The following MAGI2 variants were observed in gnomAD, a reference collection of about 807,000 sequenced individuals.
MAGI2 encodes the protein membrane-associated guanylate kinase, WW and PDZ domain-containing protein 2.
MAGI2 carries 35 observed loss-of-function variants against 133.3 expected under a neutral mutation model. That is an observed-to-expected ratio of 0.26 (90% CI 0.20 to 0.35). The LOEUF (loss-of-function observed/expected upper bound fraction) is 0.35, where lower values mean the gene tolerates loss of function less well. MAGI2 is among the 10% of genes least tolerant of loss of function. The pLI is 1.00. For synonymous variants in MAGI2, 729 were observed against 710.6 expected (o/e 1.03, Z -0.41); for missense variants, 1,636 against 1,863.4 (o/e 0.88, Z 2.25).
At chr7:78,045,769 C>T (rs1476751594) in intron 21 of MAGI2, among the ~76,000 whole-genome samples, 1 of 152,152 alleles carries the variant, frequency 6.6e-6, no homozygotes, top group Non-Finnish European at 1.5e-5. Context: ...AAAGAGCATG[C>T]ATGCAGGGTG....
At chr7:78,448,114 A>C (rs1788342895) in intron 6 of MAGI2, among the ~76,000 whole-genome samples, 1 of 151,954 alleles carries the variant, frequency 6.6e-6, no homozygotes, top group Admixed American at 6.6e-5. Context: ...TCTTTTTATG[A>C]CTGAATAGAT....
intron 1 of MAGI2, among the ~76,000 whole-genome samples, chr7:79,323,805 T>TA (rs759925128): frequency 6.6e-6 from 1 of 152,104 alleles, no homozygotes; most frequent in African/African-American, 2.4e-5. Flanking sequence ...CAAAGGTGTA[T>TA]ATGGGAGCCT....
chr7:78,205,276 C>A (rs1253740130), intron 10 of MAGI2, among the ~76,000 whole-genome samples: 2 of 152,172 alleles, frequency 1.3e-5, no homozygotes, highest in African/African-American at 4.8e-5. Context: ...GGACCACAGG[C>A]ATCTGCCACC....
At chr7:79,376,303 C>T (rs1843377073) in intron 1 of MAGI2, among the ~76,000 whole-genome samples, 1 of 151,780 alleles carries the variant, frequency 6.6e-6, no homozygotes, top group African/African-American at 2.4e-5. Flanking sequence ...ACAATTATAA[C>T]AATACACTGT....
intron 1 of MAGI2, among the ~76,000 whole-genome samples, chr7:79,447,515 T>C (rs1784085180): frequency 6.6e-6 from 1 of 152,024 alleles, no homozygotes; most frequent in South Asian, 2.1e-4. Context: ...AAAATAGGAT[T>C]AATTCAACGA....
At chr7:78,319,992 A>T (rs12539261) in intron 9 of MAGI2, among the ~76,000 whole-genome samples, 1 of 152,112 alleles carries the variant, frequency 6.6e-6, no homozygotes, top group Non-Finnish European at 1.5e-5. Context: ...GAATACTATA[A>T]ACACCTCTAC....
intron 6 of MAGI2, among the ~76,000 whole-genome samples, chr7:78,421,140 T>C (rs1798757205): frequency 6.6e-6 from 1 of 152,180 alleles, no homozygotes; most frequent in Non-Finnish European, 1.5e-5. Flanking sequence ...ACTGGGAGAT[T>C]GCTGATGGGA....
chr7:79,398,968 T>C (rs1845254078), intron 1 of MAGI2, among the ~76,000 whole-genome samples: 1 of 152,140 alleles, frequency 6.6e-6, no homozygotes, highest in South Asian at 2.1e-4. Flanking sequence ...GGCCAAGCTA[T>C]TCCATGTTCA....
At chr7:78,832,413 T>G (rs953176528) in intron 2 of MAGI2, among the ~76,000 whole-genome samples, 1 of 152,206 alleles carries the variant, frequency 6.6e-6, no homozygotes, top group African/African-American at 2.4e-5. Context: ...AAATTTTATT[T>G]TATTGGCGGT....
At chr7:78,391,427 A>T (rs1795890713) in intron 6 of MAGI2, among the ~76,000 whole-genome samples, 1 of 152,218 alleles carries the variant, frequency 6.6e-6, no homozygotes, top group African/African-American at 2.4e-5. Flanking sequence ...TATATTTGGA[A>T]GCCTATTTCA....
intron 11 of MAGI2, among the ~76,000 whole-genome samples, chr7:78,195,719 C>T (rs1216043927): frequency 6.6e-6 from 1 of 152,142 alleles, no homozygotes; most frequent in African/African-American, 2.4e-5. Flanking sequence ...CAGAGTACTT[C>T]CCAGTTTATC....
At chr7:78,143,203 C>G (rs369338482) in intron 16 of MAGI2, among the ~76,000 whole-genome samples, 3 of 152,222 alleles carry the variant, frequency 2.0e-5, no homozygotes, top group Non-Finnish European at 4.4e-5. Context: ...AATAACCAAA[C>G]AGCAAGCCGA....
intron 1 of MAGI2, among the ~76,000 whole-genome samples, chr7:79,355,874 CAATT>C (rs1841987914): frequency 6.6e-6 from 1 of 152,116 alleles, no homozygotes; most frequent in Non-Finnish European, 1.5e-5. Context: ...TTGAAAGAGA[CAATT>C]AACATATTTG....
intron 10 of MAGI2, among the ~76,000 whole-genome samples, chr7:78,227,418 A>C (rs1789500980): frequency 6.6e-6 from 1 of 152,158 alleles, no homozygotes; most frequent in African/African-American, 2.4e-5. Context: ...TCTGCTCATC[A>C]AAGAACTTCT....
chr7:78,477,915 G>GA (rs1206297927), intron 6 of MAGI2, among the ~76,000 whole-genome samples: 1 of 138,250 alleles, frequency 7.2e-6, no homozygotes, highest in African/African-American at 2.8e-5. Context: ...AGTTTTAAAG[G>GA]AAATTTTATT....
At chr7:79,046,021 G>A (rs1812149023) in intron 1 of MAGI2, among the ~76,000 whole-genome samples, 1 of 152,164 alleles carries the variant, frequency 6.6e-6, no homozygotes, top group Non-Finnish European at 1.5e-5. Flanking sequence ...AAAAATTTGA[G>A]TGAGGGATAC....
chr7:78,525,554 G>A (rs1388081763), intron 3 of MAGI2, among the ~76,000 whole-genome samples: 5 of 152,230 alleles, frequency 3.3e-5, no homozygotes, highest in Middle Eastern at 3.4e-3. Context: ...GTTCCCTAAG[G>A]ATGAAGTGCC....
intron 21 of MAGI2, among the ~76,000 whole-genome samples, chr7:78,058,003 A>ATATATGTGTGTGTGTGTGTGTGTG: frequency 8.5e-6 from 1 of 117,028 alleles, no homozygotes; most frequent in Non-Finnish European, 1.8e-5. Context: ...ATATATATAT[A>ATATATGTGTGTGTGTGTGTGTGTG]TGTATGAGAA....
At chr7:78,276,175 A>C (rs1795038921) in intron 9 of MAGI2, among the ~76,000 whole-genome samples, 1 of 152,242 alleles carries the variant, frequency 6.6e-6, no homozygotes, top group African/African-American at 2.4e-5. Context: ...AAAGTCTGCT[A>C]GTCGATCTTT....
Sources: allele counts gnomAD v4.1 joint callset (sites outside exome capture counted in the v4.1 genomes callset), GRCh38; gene constraint gnomAD v4.1.1; transcripts MANE v1.5; gene names NCBI Gene and HGNC (gene_info 2026-07-23, HGNC 2026-07-21).